Variants in ADGRV1 observed in about 807,000 individuals in gnomAD.
ADGRV1 encodes adhesion G protein-coupled receptor V1.
ADGRV1 carries 359 observed loss-of-function variants against 596.2 expected under a neutral mutation model. The observed-to-expected ratio is 0.60, with a 90% CI of 0.55 to 0.66. The LOEUF (loss-of-function observed/expected upper bound fraction) is 0.66. Ranked by LOEUF, ADGRV1 falls within the 30% of genes least tolerant of loss-of-function variation. The pLI is 0.00. For missense variants in ADGRV1, 7,274 were observed against 7,575.6 expected, an observed-to-expected ratio of 0.96 and a Z score of 1.48; for synonymous variants, 2,681 against 2,679.2, an observed-to-expected ratio of 1.00 and a Z score of -0.02.
At chr5:91,007,324 A>G (rs1782360076) in intron 85 of ADGRV1, among the ~76,000 whole-genome samples, 1 of 152,106 alleles carries the variant, frequency 6.6e-6, no homozygotes, top group Admixed American at 6.5e-5. Flanking sequence ...AATTAATACA[A>G]AATGTTTTTT....
intron 1 of ADGRV1, among the ~76,000 whole-genome samples, chr5:90,596,156 G>A (rs546751187): frequency 8.8e-5 from 13 of 148,228 alleles, no homozygotes; most frequent in South Asian, 4.3e-4. Context: ...CAGACAGGGC[G>A]GCGGGGCAGA....
At chr5:90,760,199 C>T (rs1246346993) in intron 58 of ADGRV1, among the ~76,000 whole-genome samples, 2 of 149,660 alleles carry the variant, frequency 1.3e-5, no homozygotes, top group Non-Finnish European at 3.0e-5. Flanking sequence ...TCACTTGAAC[C>T]TGGGAGGCGG....
At chr5:90,641,504 G>A (rs905841221) in intron 11 of ADGRV1, among the ~76,000 whole-genome samples, 20 of 152,176 alleles carry the variant, frequency 1.3e-4, no homozygotes, top group Middle Eastern at 3.4e-3. Flanking sequence ...TAATTAATGA[G>A]GATATTGATA....
At chr5:90,677,927 A>G (rs11956391) in intron 25 of ADGRV1, among the ~76,000 whole-genome samples, 1,544 of 152,316 alleles carry the variant, frequency 0.01, 30 homozygotes, top group African/African-American at 0.035. Context: ...TCAAGGACTT[A>G]TTTCATGCTT....
At chr5:90,916,528 A>G (rs1366377593) in intron 83 of ADGRV1, among the ~76,000 whole-genome samples, 2 of 152,006 alleles carry the variant, frequency 1.3e-5, no homozygotes, top group Non-Finnish European at 2.9e-5. Context: ...AATGTTTTAT[A>G]TAGTTTCATC....
At chr5:90,992,305 A>G (rs1781036857) in intron 85 of ADGRV1, among the ~76,000 whole-genome samples, 1 of 152,342 alleles carries the variant, frequency 6.6e-6, no homozygotes, top group Non-Finnish European at 1.5e-5. Flanking sequence ...GATTAATTAT[A>G]CAATTTGTTC....
intron 79 of ADGRV1, among the ~76,000 whole-genome samples, chr5:90,851,553 A>C (rs138317934): frequency 3.9e-5 from 6 of 152,250 alleles, no homozygotes; most frequent in Admixed American, 2.0e-4. Flanking sequence ...AATCTAGAAC[A>C]ATCACTTGGA....
Position 90,653,501 on chromosome 5 carries a change from C to T in ADGRV1, c.3927C>T (p.Pro1309=). 6.2e-7 allele frequency: 1 copy of T among 1,613,888 alleles called. No individual in the cohort carries two copies. Among genetic ancestry groups the T allele is most frequent in the Non-Finnish European group, 8.5e-7 (1 of 1,179,864 alleles). ...MIDFLLVGIF[P]TTVHLQQHMR... Reference sequence around the variant, plus strand: ...ATTTTTTACTGGTTGGAATTTTCCCCACCACCGTGCATTTACAACAGCACA... The same window carrying T: ...ATTTTTTACTGGTTGGAATTTTCCCTACCACCGTGCATTTACAACAGCACA... Residue 1309 remains proline, a synonymous_variant, in exon 20 of 90, where the codon CCC becomes CCT. Coordinates refer to ENST00000405460, the MANE Select transcript of ADGRV1 (RefSeq NM_032119.4).
At chr5:90,566,052 G>A (rs559781821) in intron 1 of ADGRV1, among the ~76,000 whole-genome samples, 1 of 151,538 alleles carries the variant, frequency 6.6e-6, no homozygotes, top group East Asian at 1.9e-4. Context: ...AGAGTTCTTC[G>A]CATACTCTAG....
intron 83 of ADGRV1, among the ~76,000 whole-genome samples, chr5:90,944,814 T>A (rs569218023): frequency 3.9e-5 from 6 of 152,292 alleles, no homozygotes; most frequent in East Asian, 1.9e-4. Flanking sequence ...TTGCTGAAAC[T>A]CCTCTTTGGG....
Position 90,697,999 on chromosome 5 carries a change from G to A in ADGRV1, c.8155+853G>A, listed in dbSNP as rs553636000. On this transcript the variant is annotated intron_variant, in intron 34 of 89. Transcript: ENST00000405460. ...ACAGTGTCAGATGGTTAGTGGCTGT[G>A]CCAGAAACAGAATGTATTTTACTGT... Among the ~76,000 whole-genome samples the A allele has an allele frequency of 5.3e-5, 8 of 152,280 alleles. No homozygotes were observed. The East Asian group carries it at 1.5e-3, about 29-fold the overall frequency.
chr5:90,716,659 C>T lies in ADGRV1; in HGVS notation c.9377C>T (p.Ser3126Phe). 1 of 1,612,730 alleles carries T rather than the reference C, an allele frequency of 6.2e-7. No homozygotes were observed. Among genetic ancestry groups the T allele is most frequent in the Non-Finnish European group, 8.5e-7 (1 of 1,178,798 alleles). ...TVQFIVTEVN[S>F]SNESKDLTPS... is the part of the protein sequence containing the mutation. ...CAGTTCATTGTGACAGAAGTGAATT[C>T]CTCAAATGAATCTAAAGATCTGACT... The change falls in exon 43 of 90, where the codon TCC (serine) becomes TTC (phenylalanine). Residue 3126 changes from serine (S) to phenylalanine (F), a missense_variant. By Grantham distance (155) the Ser-to-Phe change is radical. Transcript: ENST00000405460.
intron 84 of ADGRV1, 88 bp downstream of exon 84, chr5:90,965,619 G>T (rs1011449286): frequency 2.1e-5 from 14 of 677,506 alleles, no homozygotes; most frequent in Non-Finnish European, 3.3e-5. Flanking sequence ...CTGTACTGAA[G>T]TAGAAGTAAT....
chr5:90,705,385 G>A lies in ADGRV1; in HGVS notation c.8387-15G>A. Reference sequence around the variant, plus strand: ...AATGCCAAATCACTGTTAGATTCCTGCCTGACATTTTTAGGAGTTCCACCA... The same window carrying A: ...AATGCCAAATCACTGTTAGATTCCTACCTGACATTTTTAGGAGTTCCACCA... On this transcript the variant is annotated splice_polypyrimidine_tract_variant and intron_variant, in intron 36 of 89. Coordinates refer to ENST00000405460, the MANE Select transcript of ADGRV1 (RefSeq NM_032119.4). The A allele has an allele frequency of 6.2e-7, 1 of 1,611,404 alleles. No homozygotes were observed. Among genetic ancestry groups the A allele is most frequent in the Non-Finnish European group, 8.5e-7 (1 of 1,178,658 alleles).
At chr5:90,590,531 G>A (rs940183008) in intron 1 of ADGRV1, among the ~76,000 whole-genome samples, 5 of 152,092 alleles carry the variant, frequency 3.3e-5, no homozygotes, top group African/African-American at 1.2e-4. Flanking sequence ...CTTCCTCTGG[G>A]GCAGGCATTC....
At chr5:90,867,292 T>C (rs548641275) in intron 83 of ADGRV1, among the ~76,000 whole-genome samples, 2 of 152,324 alleles carry the variant, frequency 1.3e-5, no homozygotes, top group South Asian at 4.1e-4. Context: ...CTCTATGGTT[T>C]GTTATTTGTA....
rs1278845442 is a variant in ADGRV1 at position 90,643,723 on chromosome 5, T to C, written c.2554-80T>C. ...GCTTCTGAAACTTTGAGTATATTAATATTCTTGAATATTTATGTTTTTAAA... is the reference window on the plus strand; with the variant it reads ...GCTTCTGAAACTTTGAGTATATTAACATTCTTGAATATTTATGTTTTTAAA... On this transcript the variant is annotated intron_variant, in intron 13 of 89. Coordinates refer to ENST00000405460, the MANE Select transcript of ADGRV1 (RefSeq NM_032119.4). 2.1e-5 allele frequency: 23 copies of C among 1,071,150 alleles called. No homozygotes were observed. The Admixed American group carries it at 3.5e-4, about 16-fold the overall frequency. The allele number at this position is 1,071,150 out of a possible 1,614,324, so 66.4% of individuals were successfully genotyped here.
intron 84 of ADGRV1, among the ~76,000 whole-genome samples, chr5:90,967,700 T>TGC (rs147851988): frequency 0.053 from 8,078 of 152,222 alleles, 268 homozygotes; most frequent in Non-Finnish European, 0.077. Context: ...GAGAGCTGCC[T>TGC]GCATTAAGAT....
intron 87 of ADGRV1, among the ~76,000 whole-genome samples, chr5:91,124,456 T>A (rs1283513983): frequency 2.0e-5 from 3 of 152,220 alleles, no homozygotes; most frequent in African/African-American, 7.2e-5. Flanking sequence ...CATCTGATAT[T>A]GCTACATCAA....
Sources: gnomAD v4.1 joint callset for allele counts (sites outside exome capture counted in the v4.1 genomes callset) on GRCh38, gnomAD v4.1.1 for gene constraint, MANE v1.5 for transcripts, NCBI Gene and HGNC (gene_info 2026-07-23, HGNC 2026-07-21) for gene names.